The following CORO2B variants were observed in gnomAD, a reference collection of about 807,000 sequenced individuals.
CORO2B encodes the protein coronin-2B.
CORO2B carries 26 observed loss-of-function variants against 58.8 expected under a neutral mutation model. The observed-to-expected ratio is 0.44, with a 90% CI of 0.32 to 0.61. CORO2B has a LOEUF of 0.61. Among genes scored for constraint, CORO2B ranks in the 20% least tolerant of loss-of-function variants. The pLI, the probability that CORO2B is intolerant of heterozygous loss-of-function variation, is 0.04. For missense variants in CORO2B, 460 were observed against 645.1 expected, an observed-to-expected ratio of 0.71 and a Z score of 3.11; for synonymous variants, 242 against 253.8, an observed-to-expected ratio of 0.95 and a Z score of 0.44.
chr15:68,546,063 G>T, the CORO2B span, among the ~76,000 whole-genome samples: 1 of 152,114 alleles, frequency 6.6e-6, no homozygotes, highest in African/African-American at 2.4e-5. Context: ...ACAGTGAGCC[G>T]TCCTTGCCAC....
intron 1 of CORO2B, among the ~76,000 whole-genome samples, chr15:68,612,896 G>A (rs568776042): frequency 1.1e-3 from 167 of 152,250 alleles, no homozygotes; most frequent in African/African-American, 3.9e-3. Context: ...GCTCCTTGTG[G>A]CTCATTTTTC....
the CORO2B span, among the ~76,000 whole-genome samples, chr15:68,545,019 C>T: frequency 1.9e-4 from 29 of 152,152 alleles, no homozygotes; most frequent in Admixed American, 2.0e-4. Context: ...TCGTGATCCG[C>T]CCACCTCGCC....
chr15:68,531,580 GAA>G, the CORO2B span, among the ~76,000 whole-genome samples: 1 of 143,112 alleles, frequency 7.0e-6, no homozygotes, highest in Non-Finnish European at 1.5e-5. Context: ...GAAAGAGAAA[GAA>G]AGAGAAAGAA....
At chr15:68,682,599 A>T (rs1485848848) in intron 2 of CORO2B, among the ~76,000 whole-genome samples, 2 of 152,154 alleles carry the variant, frequency 1.3e-5, no homozygotes, top group African/African-American at 4.8e-5. Context: ...GGCAGGACTC[A>T]GTGAGCGATT....
intron 2 of CORO2B, among the ~76,000 whole-genome samples, chr15:68,652,213 G>A (rs35262890): frequency 0.3 from 45,662 of 151,988 alleles, 7,075 homozygotes; most frequent in East Asian, 0.45. Context: ...TCTCTTATTC[G>A]GGCTGCCGTT....
In CORO2B at chr15:68,718,938, T is replaced by C. The variant is rs540880264; in HGVS notation, c.1080+128T>C. The C allele has an allele frequency of 5.5e-6, 5 of 903,828 alleles. No individual in the cohort carries two copies. In the East Asian group the frequency reaches 1.0e-4, roughly 19 times the overall value. 56.0% of individuals were successfully genotyped at this position (903,828 alleles called of 1,614,324 possible). The stretch of plus-strand genomic sequence containing the variant: ...GTGAACTGGGGTCTTCAAACCTAAT[T>C]TGGGGTGAGGGGCATTCTCAGATGG... On this transcript the variant is annotated intron_variant, in intron 9 of 11. Coordinates refer to ENST00000261861, the MANE Select transcript of CORO2B (RefSeq NM_006091.5).
intron 2 of CORO2B, among the ~76,000 whole-genome samples, chr15:68,663,694 T>C (rs1384865458): frequency 6.6e-6 from 1 of 152,210 alleles, no homozygotes; most frequent in Non-Finnish European, 1.5e-5. Context: ...AAGGGATTAG[T>C]ATTCATAATA....
chr15:68,678,758 G>A (rs377355615), intron 2 of CORO2B, among the ~76,000 whole-genome samples: 5 of 152,230 alleles, frequency 3.3e-5, no homozygotes, highest in African/African-American at 1.2e-4. Flanking sequence ...GCTCAGAAGA[G>A]CTGCCCACAC....
rs1405906942 is a variant in CORO2B at position 68,688,437 on chromosome 15, GCT to G, written c.217-6700_217-6699del. 1.3e-4 allele frequency among the ~76,000 whole-genome samples: 20 copies of G among 152,190 alleles called. No homozygotes were observed. The South Asian group carries it at 1.9e-3, about 14-fold the overall frequency. On this transcript the variant is annotated intron_variant, in intron 2 of 11. Transcript: ENST00000261861. ...CACCAACATGATGCTCAAAGTGAAT[GCT>G]CTTTGAAGCACTTTAGATTTTGGAT...
At chr15:68,564,444 C>G in the CORO2B span, among the ~76,000 whole-genome samples, 6 of 152,076 alleles carry the variant, frequency 3.9e-5, no homozygotes, top group Non-Finnish European at 8.8e-5. Context: ...GCTGGGACTA[C>G]AGGAGCGTGC....
chr15:68,573,430 C>A, the CORO2B span, among the ~76,000 whole-genome samples: 2 of 151,850 alleles, frequency 1.3e-5, no homozygotes, highest in African/African-American at 4.8e-5. Flanking sequence ...AAGAGCAAAA[C>A]CATGAAGGTC....
chr15:68,656,891 G>C (rs1157981463), intron 2 of CORO2B, among the ~76,000 whole-genome samples: 1 of 152,146 alleles, frequency 6.6e-6, no homozygotes, highest in Non-Finnish European at 1.5e-5. Flanking sequence ...AAGGTGCCTG[G>C]CTCAGGGCAA....
chr15:68,710,651 GT>G lies in CORO2B; in HGVS notation c.334-80del. The G allele has an allele frequency of 7.2e-7, 1 of 1,389,260 alleles. No individual in the cohort carries two copies. The highest frequency in any genetic ancestry group is 2.8e-5 in the Admixed American group (1 of 36,270). The allele number at this position is 1,389,260 out of a possible 1,614,324, so 86.1% of individuals were successfully genotyped here. A position where few individuals can be genotyped will look rare whatever the true frequency, so the allele number is the denominator to read the frequency against. ...CATCAGGCAGATCTCAGAAAGCCTG[GT>G]GTCCGAGGAAAGGGGCACCTCTCAT... is the stretch of plus-strand genomic sequence containing the variant. On this transcript the variant is annotated intron_variant, in intron 3 of 11. Transcript: ENST00000261861. This position sits in a 1 kb window ranked among gnomAD's most constrained non-coding sequence, Gnocchi z 4.1.
intron 1 of CORO2B, among the ~76,000 whole-genome samples, chr15:68,641,013 G>A (rs1406382477): frequency 6.6e-6 from 1 of 152,124 alleles, no homozygotes; most frequent in Non-Finnish European, 1.5e-5. Flanking sequence ...CCAGGGTTGT[G>A]GAGCCATCGA....
chr15:68,640,688 A>G (rs903063490), intron 1 of CORO2B, among the ~76,000 whole-genome samples: 1 of 152,116 alleles, frequency 6.6e-6, no homozygotes, highest in Non-Finnish European at 1.5e-5. Context: ...GGTACTGAGG[A>G]ATGGTCAGTT....
chr15:68,669,679 G>T (rs972190436), intron 2 of CORO2B, among the ~76,000 whole-genome samples: 1 of 152,112 alleles, frequency 6.6e-6, no homozygotes, highest in Non-Finnish European at 1.5e-5. Flanking sequence ...CCAATGGTGG[G>T]TTTTGGGCTC....
chr15:68,561,495 T>TAG, the CORO2B span, among the ~76,000 whole-genome samples: 3 of 151,270 alleles, frequency 2.0e-5, no homozygotes, highest in Admixed American at 2.0e-4. Context: ...GCGGGACAGG[T>TAG]AGAGGGTCCC....
At position 68,710,652 on chromosome 15, in the gene CORO2B, T is replaced by C; in HGVS notation, c.334-80T>C. On this transcript the variant is annotated intron_variant, in intron 3 of 11. Transcript: ENST00000261861. This position sits in a 1 kb window ranked among gnomAD's most constrained non-coding sequence, Gnocchi z 4.1. ...ATCAGGCAGATCTCAGAAAGCCTGGTGTCCGAGGAAAGGGGCACCTCTCAT... is the reference window on the plus strand; with the variant it reads ...ATCAGGCAGATCTCAGAAAGCCTGGCGTCCGAGGAAAGGGGCACCTCTCAT... 4 of 1,390,808 alleles carry C rather than the reference T, an allele frequency of 2.9e-6. No homozygotes were observed. Among genetic ancestry groups the C allele is most frequent in the Non-Finnish European group, 3.8e-6 (4 of 1,060,888 alleles). The allele number at this position is 1,390,808 out of a possible 1,614,324, so 86.2% of individuals were successfully genotyped here.
intron 3 of CORO2B, among the ~76,000 whole-genome samples, chr15:68,697,469 G>T (rs140838540): frequency 2.6e-5 from 4 of 152,190 alleles, no homozygotes; most frequent in Non-Finnish European, 5.9e-5. Flanking sequence ...CAGTTCACAC[G>T]CTGGGGGTGA....
Sources: allele counts gnomAD v4.1 joint callset (sites outside exome capture counted in the v4.1 genomes callset), GRCh38; gene constraint gnomAD v4.1.1; non-coding constraint Gnocchi (gnomAD v3.1); transcripts MANE v1.5; gene names NCBI Gene and HGNC (gene_info 2026-07-23, HGNC 2026-07-21).